Variants in TSNAX observed in about 807,000 individuals in gnomAD.
TSNAX encodes the protein translin-associated protein X.
TSNAX carries 12 observed loss-of-function variants against 33.0 expected under a neutral mutation model. That is an observed-to-expected ratio of 0.36 (90% confidence interval 0.23 to 0.59). The LOEUF (loss-of-function observed/expected upper bound fraction) is 0.59, where lower values mean the gene tolerates loss of function less well. TSNAX is among the 20% of genes least tolerant of loss of function. The pLI, the probability that TSNAX is intolerant of heterozygous loss-of-function variation, is 0.74. For synonymous variants in TSNAX, 110 were observed against 117.2 expected (o/e 0.94, Z 0.40); for missense variants, 267 against 341.3 (o/e 0.78, Z 1.72).
chr1:231,551,913 G>C (rs955976919), intron 4 of TSNAX, among the ~76,000 whole-genome samples: 1 of 152,100 alleles, frequency 6.6e-6, no homozygotes, highest in Non-Finnish European at 1.5e-5. Flanking sequence ...GATCGCTTGA[G>C]CCAAGGAGTT....
rs1661412700 is a variant in TSNAX at position 231,566,085 on chromosome 1, T to A, written c.*1180T>A. ...AAATTTAAATTTTATTAAAATTAAA[T>A]AATTTAAATCTAGCATTTAAATTTA... is the stretch of plus-strand genomic sequence containing the variant. On this transcript the variant is annotated 3_prime_UTR_variant, in exon 6 of 6. Transcript: ENST00000366639. 2 of 152,500 alleles carry A rather than the reference T, an allele frequency of 1.3e-5. No individual in the cohort carries two copies. 9.4% of individuals were successfully genotyped at this position (152,500 alleles called of 1,614,324 possible). A position where few individuals can be genotyped will look rare whatever the true frequency, so the allele number is the denominator to read the frequency against.
Position 231,564,587 on chromosome 1 carries a change from C to T in TSNAX, c.555C>T (p.Val185=), listed in dbSNP as rs751472910. 24 of 1,613,868 alleles carry T rather than the reference C, an allele frequency of 1.5e-5. No individual in the cohort carries two copies. The African/African-American group carries it at 2.4e-4, about 16-fold the overall frequency. The part of the protein sequence containing the change: ...FGTWRLRVTP[V]DYLLGVADLT... ...CTTGGAGACTGAGAGTCACACCTGT[C>T]GATTACCTTCTGGGAGTGGCTGACT... The change falls in exon 6 of 6, where the codon GTC becomes GTT. Residue 185 remains valine (V), a synonymous_variant. Coordinates refer to ENST00000366639, the MANE Select transcript of TSNAX (RefSeq NM_005999.3).
chr1:231,532,914 C>T (rs1378617350), intron 2 of TSNAX, among the ~76,000 whole-genome samples: 3 of 152,104 alleles, frequency 2.0e-5, no homozygotes, highest in Non-Finnish European at 4.4e-5. Flanking sequence ...TAGGTACAGA[C>T]TGTTTTTGCT....
chr1:231,549,043 G>A (rs1572128831), intron 4 of TSNAX, among the ~76,000 whole-genome samples: 2 of 152,162 alleles, frequency 1.3e-5, no homozygotes, highest in East Asian at 3.8e-4. Flanking sequence ...GTTACAGATG[G>A]GTATAGAGGT....
chr1:231,552,683 AC>A (rs1660399257), intron 4 of TSNAX, among the ~76,000 whole-genome samples: 1 of 152,228 alleles, frequency 6.6e-6, no homozygotes, highest in African/African-American at 2.4e-5. Context: ...ACTGTCTAAT[AC>A]CAGAACATTT....
Position 231,565,325 on chromosome 1 carries a change from A to T in TSNAX, c.*420A>T, listed in dbSNP as rs112946426. On this transcript the variant is annotated 3_prime_UTR_variant, in exon 6 of 6. Coordinates refer to ENST00000366639, the MANE Select transcript of TSNAX (RefSeq NM_005999.3). ...AGATTTTTTAGTTAAACTTCTGGAC[A>T]TGAGCGTCCTGTTTAAATTTCTTGT... 0.045 allele frequency: 6,956 copies of T among 154,852 alleles called. 539 individuals carry two copies. Among genetic ancestry groups the T allele is most frequent in the African/African-American group, 0.16 (6,602 of 41,536 alleles). 9.6% of individuals were successfully genotyped at this position (154,852 alleles called of 1,614,324 possible).
At chr1:231,540,106 G>A (rs927594966) in intron 3 of TSNAX, among the ~76,000 whole-genome samples, 1 of 150,438 alleles carries the variant, frequency 6.6e-6, no homozygotes, top group African/African-American at 2.5e-5. Context: ...CTCAGGAAGC[G>A]GAGGTTGCTT....
chr1:231,542,040 A>G lies in TSNAX; in HGVS notation c.237-441A>G, dbSNP rs139298438. Among the ~76,000 whole-genome samples, 686 of 152,294 alleles carry G rather than the reference A, an allele frequency of 4.5e-3. 6 individuals carry two copies. Among genetic ancestry groups the G allele is most frequent in the Admixed American group, 0.024 (362 of 15,288 alleles). ...CTGTACTGTCACTTGGAAGCTTTCC[A>G]GGCAATAAGATGGGGCAGTCAGAGG... On this transcript the variant is annotated intron_variant, in intron 3 of 5. Coordinates refer to ENST00000366639, the MANE Select transcript of TSNAX (RefSeq NM_005999.3).
At chr1:231,532,177 CACACACACAG>C (rs1397636866) in intron 2 of TSNAX, among the ~76,000 whole-genome samples, 1 of 93,958 alleles carries the variant, frequency 1.1e-5, no homozygotes, top group African/African-American at 4.0e-5. Flanking sequence ...CACACACACA[CACACACACAG>C]TTTTGGTTTT....
chr1:231,532,518 C>T (rs941934023), intron 2 of TSNAX, among the ~76,000 whole-genome samples: 8 of 151,436 alleles, frequency 5.3e-5, no homozygotes, highest in Non-Finnish European at 1.0e-4. Context: ...GTCAGTTATA[C>T]CCCAGTAAAG....
intron 4 of TSNAX, among the ~76,000 whole-genome samples, chr1:231,543,434 C>T (rs1455383222): frequency 6.6e-6 from 1 of 151,882 alleles, no homozygotes; most frequent in Non-Finnish European, 1.5e-5. Flanking sequence ...AATCCAGGAA[C>T]CTGAAATGCT....
In TSNAX at chr1:231,540,703, A is replaced by G. The variant is rs373154989; in HGVS notation, c.237-1778A>G. The stretch of plus-strand genomic sequence containing the variant: ...TTATGATTTTCTGTACACTCGCTCT[A>G]TCAGTTATTAAGAGAGAAAGAGGGT... On this transcript the variant is annotated intron_variant, in intron 3 of 5. Transcript: ENST00000366639. Among the ~76,000 whole-genome samples, 4 of 152,314 alleles carry G rather than the reference A, an allele frequency of 2.6e-5. No individual in the cohort carries two copies. The East Asian group carries it at 5.8e-4, about 22-fold the overall frequency.
At chr1:231,529,406 A>G (rs755319404) in intron 2 of TSNAX, 47 bp downstream of exon 2, 1 of 1,582,520 alleles carries the variant, frequency 6.3e-7, no homozygotes, top group Middle Eastern at 1.7e-4. Flanking sequence ...GAACAAAATT[A>G]TTTAGCCATG....
intron 2 of TSNAX, among the ~76,000 whole-genome samples, chr1:231,530,520 C>T (rs748595137): frequency 6.8e-4 from 104 of 152,048 alleles, no homozygotes; most frequent in Non-Finnish European, 1.1e-3. Flanking sequence ...TGGTGAAACC[C>T]TGACTCTAAT....
At chr1:231,555,321 A>G (rs1471530336) in intron 4 of TSNAX, among the ~76,000 whole-genome samples, 2 of 152,194 alleles carry the variant, frequency 1.3e-5, no homozygotes, top group Non-Finnish European at 2.9e-5. Flanking sequence ...CAAATACTGT[A>G]TTTGTTACTT....
intron 5 of TSNAX, chr1:231,563,414 T>G (rs1359881259): frequency 1.3e-5 from 2 of 153,908 alleles, no homozygotes; most frequent in Non-Finnish European, 2.9e-5. Flanking sequence ...ATGTTCTCAT[T>G]TAACCCTTAA....
rs530258339 is a variant in TSNAX, at chr1:231,544,221, T to C, written c.367+1610T>C. 1.2e-4 allele frequency among the ~76,000 whole-genome samples: 19 copies of C among 152,298 alleles called. No individual in the cohort carries two copies. The South Asian group carries it at 2.5e-3, about 20-fold the overall frequency. On this transcript the variant is annotated intron_variant, in intron 4 of 5. Coordinates refer to ENST00000366639, the MANE Select transcript of TSNAX (RefSeq NM_005999.3). ...TGCTTGAACTGAAGCAGCAGTACAG[T>C]CTAAATGTCTGTATTAAACAGAAAT...
At chr1:231,552,038 G>A (rs890002465) in intron 4 of TSNAX, among the ~76,000 whole-genome samples, 5 of 152,110 alleles carry the variant, frequency 3.3e-5, no homozygotes, top group Admixed American at 6.5e-5. Context: ...GCTTACGCCT[G>A]TAATCTCAGC....
intron 2 of TSNAX, 88 bp from the exon 3 acceptor site, chr1:231,537,125 C>G: frequency 9.9e-7 from 1 of 1,007,112 alleles, no homozygotes. Context: ...GCCACCGCAC[C>G]CAGCATATGT....
Sources: allele counts gnomAD v4.1 joint callset (sites outside exome capture counted in the v4.1 genomes callset), GRCh38; gene constraint gnomAD v4.1.1; transcripts MANE v1.5; gene names NCBI Gene and HGNC (gene_info 2026-07-23, HGNC 2026-07-21).